CDC37L1: variants seen among roughly 807,000 people sequenced by gnomAD.
CDC37L1 encodes the protein hsp90 co-chaperone Cdc37-like 1.
A neutral mutation model predicts 45.9 loss-of-function variants in CDC37L1; 32 were observed. The ratio of observed to expected loss-of-function variants is 0.70; its 90% CI spans 0.53 to 0.94. The LOEUF (loss-of-function observed/expected upper bound fraction) is 0.94, where lower values mean the gene tolerates loss of function less well. Among genes scored for constraint, CDC37L1 ranks in the 40% least tolerant of loss-of-function variants. CDC37L1 has a pLI of 0.00. For synonymous variants in CDC37L1, 150 were observed against 133.0 expected (o/e 1.13, Z -0.88); for missense variants, 434 against 405.7 (o/e 1.07, Z -0.60).
At chr9:4,705,259 T>C (rs569515305) in intron 6 of CDC37L1, among the ~76,000 whole-genome samples, 58 of 152,114 alleles carry the variant, frequency 3.8e-4, no homozygotes, top group Non-Finnish European at 8.1e-4. Flanking sequence ...TTCGGAACAA[T>C]TGAGTAGACA....
chr9:4,688,698 A>T, intron 3 of CDC37L1, 92 bp downstream of exon 3: 1 of 815,056 alleles, frequency 1.2e-6, no homozygotes, highest in Non-Finnish European at 1.8e-6. Context: ...AGCCAAAAAG[A>T]AAAGTGGCAA....
intron 3 of CDC37L1, among the ~76,000 whole-genome samples, chr9:4,693,351 G>A (rs930152362): frequency 6.6e-6 from 1 of 152,052 alleles, no homozygotes; most frequent in Non-Finnish European, 1.5e-5. Flanking sequence ...GCTGAGGTGG[G>A]AGGATCTCTT....
chr9:4,697,790 G>T lies in CDC37L1; in HGVS notation c.658G>T (p.Ala220Ser). The T allele has an allele frequency of 6.4e-7, 1 of 1,558,578 alleles. No homozygotes were observed. The highest frequency in any genetic ancestry group is 8.8e-7 in the Non-Finnish European group (1 of 1,130,496). The change falls in exon 5 of 7, where the codon GCT becomes TCT. Residue 220 changes from alanine to serine, a missense_variant. Ala to Ser is a moderately conservative substitution (Grantham distance 99, BLOSUM62 1). Coordinates refer to ENST00000381854, the MANE Select transcript of CDC37L1 (RefSeq NM_017913.4). Reference protein sequence around the residue: ...GALMEQIAHQAVVMQFIMEMA... With the variant: ...GALMEQIAHQSVVMQFIMEMA... ...TTTAATGGAACAAATAGCACATCAA[G>T]CTGTTGTAATGCAGTTTATTATGGA...
rs777457215 is a variant in CDC37L1 at position 4,685,096 on chromosome 9, G to T, written c.352G>T (p.Val118Leu). 6.2e-7 allele frequency: 1 copy of T among 1,613,740 alleles called. No homozygotes were observed. The highest frequency in any genetic ancestry group is 8.5e-7 in the Non-Finnish European group (1 of 1,179,648). The change falls in exon 2 of 7, where the codon GTA becomes TTA. Residue 118 changes from valine to leucine, a missense_variant. By Grantham distance (32) the Val-to-Leu change is conservative. Transcript: ENST00000381854. The stretch of plus-strand genomic sequence containing the variant: ...GTGGCGACAGAAAGAAGAAGCTCTA[G>T]TACAAAGAGAGAAGATGTGTCTGTG... ...EEWRQKEEAL[V>L]QREKMCLWST...
intron 1 of CDC37L1, among the ~76,000 whole-genome samples, chr9:4,680,310 G>C (rs1841178605): frequency 6.6e-6 from 1 of 152,148 alleles, no homozygotes. Flanking sequence ...CAGTTGCTAG[G>C]AACAGTGAAT....
chr9:4,697,884 G>C lies in CDC37L1; in HGVS notation c.747+5G>C. The C allele has an allele frequency of 6.2e-7, 1 of 1,612,822 alleles. No individual in the cohort carries two copies. The highest frequency in any genetic ancestry group is 8.5e-7 in the Non-Finnish European group (1 of 1,179,258). On this transcript the variant is annotated splice_donor_5th_base_variant and intron_variant, in intron 5 of 6. Transcript: ENST00000381854. ...TTATTTTTCCAGAAAGCCAAAGTAAGTAGTTATTTGATATTGATAAATGGG... is the reference window on the plus strand; with the variant it reads ...TTATTTTTCCAGAAAGCCAAAGTAACTAGTTATTTGATATTGATAAATGGG...
At chr9:4,686,083 A>T (rs1056537318) in intron 2 of CDC37L1, among the ~76,000 whole-genome samples, 1 of 152,176 alleles carries the variant, frequency 6.6e-6, no homozygotes, top group African/African-American at 2.4e-5. Flanking sequence ...AGGCTTGAGG[A>T]TTACTTGAAC....
intron 6 of CDC37L1, among the ~76,000 whole-genome samples, chr9:4,704,836 A>G (rs970934415): frequency 1.3e-5 from 2 of 152,158 alleles, no homozygotes; most frequent in Admixed American, 6.5e-5. Context: ...TATAGAAATA[A>G]TAACAGTTAA....
Position 4,685,092 on chromosome 9 carries a change from T to C in CDC37L1, c.348T>C (p.Ala116=). The change falls in exon 2 of 7, where the codon GCT becomes GCC. Residue 116 remains alanine (A), a synonymous_variant. Transcript: ENST00000381854. ...AAGAGTGGCGACAGAAAGAAGAAGC[T>C]CTAGTACAAAGAGAGAAGATGTGTC... ...REEEWRQKEE[A]LVQREKMCLW... is the part of the protein sequence containing the mutation. 1.2e-6 allele frequency: 2 copies of C among 1,613,638 alleles called. No individual in the cohort carries two copies. The highest frequency in any genetic ancestry group is 1.7e-6 in the Non-Finnish European group (2 of 1,179,660).
chr9:4,682,477 G>A (rs1170004489), intron 1 of CDC37L1, among the ~76,000 whole-genome samples: 4 of 151,614 alleles, frequency 2.6e-5, no homozygotes, highest in East Asian at 1.9e-4. Flanking sequence ...ACAGGCACCC[G>A]CCACCATGCC....
chr9:4,689,173 G>T (rs547948592), intron 3 of CDC37L1, among the ~76,000 whole-genome samples: 92 of 152,306 alleles, frequency 6.0e-4, no homozygotes, highest in African/African-American at 2.2e-3. Flanking sequence ...GAACAGATAG[G>T]AGTTTTTCAT....
intron 2 of CDC37L1, among the ~76,000 whole-genome samples, chr9:4,686,236 C>G (rs1173456259): frequency 6.6e-6 from 1 of 152,178 alleles, no homozygotes; most frequent in East Asian, 1.9e-4. Context: ...TTGCCTTTCC[C>G]TGGACCAGCT....
At chr9:4,682,698 C>G (rs1342196912) in intron 1 of CDC37L1, among the ~76,000 whole-genome samples, 1 of 151,092 alleles carries the variant, frequency 6.6e-6, no homozygotes, top group African/African-American at 2.4e-5. Context: ...GTTTCGAACT[C>G]CTGACCTCAG....
chr9:4,681,861 T>C (rs929355958), intron 1 of CDC37L1, among the ~76,000 whole-genome samples: 4 of 152,200 alleles, frequency 2.6e-5, no homozygotes, highest in African/African-American at 9.7e-5. Flanking sequence ...GTATGTGATA[T>C]GTAGTTCTTA....
chr9:4,691,451 T>G (rs1156316535), intron 3 of CDC37L1, among the ~76,000 whole-genome samples: 1 of 152,248 alleles, frequency 6.6e-6, no homozygotes, highest in Non-Finnish European at 1.5e-5. Context: ...TTTGTTAGTT[T>G]GCTTAGGATA....
chr9:4,693,888 G>A (rs1421292385), intron 3 of CDC37L1, among the ~76,000 whole-genome samples: 2 of 152,192 alleles, frequency 1.3e-5, no homozygotes, highest in African/African-American at 4.8e-5. Context: ...AGGAGGAAAT[G>A]GAGGCATATA....
rs988716153 is a variant in CDC37L1, at chr9:4,708,278, C to G, written c.*2166C>G. The G allele has an allele frequency of 1.3e-5, 2 of 152,102 alleles. No individual in the cohort carries two copies. Among genetic ancestry groups the G allele is most frequent in the Non-Finnish European group, 2.9e-5 (2 of 68,008 alleles). 9.4% of individuals were successfully genotyped at this position (152,102 alleles called of 1,614,324 possible). A position where few individuals can be genotyped will look rare whatever the true frequency, so the allele number is the denominator to read the frequency against. Reference sequence around the variant, plus strand: ...TTCAGGTTGGACAATTTACCCTAAACAAATTAAACCATGGAAAGTGCAAAC... The same window carrying G: ...TTCAGGTTGGACAATTTACCCTAAAGAAATTAAACCATGGAAAGTGCAAAC... On this transcript the variant is annotated 3_prime_UTR_variant, in exon 7 of 7. Transcript: ENST00000381854.
chr9:4,694,253 C>T (rs768489273), intron 3 of CDC37L1, among the ~76,000 whole-genome samples: 3 of 152,124 alleles, frequency 2.0e-5, no homozygotes, highest in Non-Finnish European at 4.4e-5. Context: ...CTAATTATCT[C>T]ATTTTGTGTG....
chr9:4,701,565 C>T (rs775661663), intron 5 of CDC37L1, among the ~76,000 whole-genome samples: 1 of 151,198 alleles, frequency 6.6e-6, no homozygotes, highest in Non-Finnish European at 1.5e-5. Context: ...CTAGATAAGT[C>T]AAGGAAAATA....
Sources: gnomAD v4.1 joint callset for allele counts (sites outside exome capture counted in the v4.1 genomes callset) on GRCh38, gnomAD v4.1.1 for gene constraint, MANE v1.5 for transcripts, NCBI Gene and HGNC (gene_info 2026-07-23, HGNC 2026-07-21) for gene names.